The following BTAF1 variants were observed in gnomAD, a reference collection of about 807,000 sequenced individuals.
The protein encoded by BTAF1 is TATA-binding protein-associated factor 172.
BTAF1 carries 38 observed loss-of-function variants against 227.1 expected under a neutral mutation model. The ratio of observed to expected loss-of-function variants is 0.17; its 90% CI spans 0.13 to 0.22. The LOEUF is 0.22. Ranked by LOEUF, BTAF1 falls within the 10% of genes least tolerant of loss-of-function variation. BTAF1 has a pLI of 1.00. For missense variants in BTAF1, 1,598 were observed against 2,204.0 expected, an observed-to-expected ratio of 0.73 and a Z score of 5.51; for synonymous variants, 742 against 751.9, an observed-to-expected ratio of 0.99 and a Z score of 0.21.
At position 92,003,743 on chromosome 10, in the gene BTAF1, T is replaced by C. The variant is rs140543514; in HGVS notation, c.3661-4380T>C. 7.2e-3 allele frequency among the ~76,000 whole-genome samples: 1,095 copies of C among 152,342 alleles called. 14 individuals are homozygous for C. The highest frequency in any genetic ancestry group is 0.025 in the African/African-American group (1,023 of 41,568). On this transcript the variant is annotated intron_variant, in intron 25 of 37. Coordinates refer to ENST00000265990, the MANE Select transcript of BTAF1 (RefSeq NM_003972.3). ...CAGATATCTCTTCAATGTACTGATT[T>C]CATTTCCTTTGGATATATAACCAAA...
chr10:91,987,429 A>G (rs1476860755), intron 19 of BTAF1, among the ~76,000 whole-genome samples: 7 of 151,928 alleles, frequency 4.6e-5, no homozygotes, highest in South Asian at 2.1e-4. Context: ...CTTGCAGTGA[A>G]CCAAGATCAC....
chr10:92,020,524 G>A (rs73314314), intron 34 of BTAF1, among the ~76,000 whole-genome samples: 1,781 of 152,268 alleles, frequency 0.012, 33 homozygotes, highest in African/African-American at 0.04. Context: ...ACTAATGAAT[G>A]AAGATTTTAG....
intron 2 of BTAF1, among the ~76,000 whole-genome samples, chr10:91,936,815 A>G (rs1844643338): frequency 6.6e-6 from 1 of 152,128 alleles, no homozygotes; most frequent in African/African-American, 2.4e-5. Flanking sequence ...GAAACAATGA[A>G]CAGGCCTCAT....
intron 11 of BTAF1, among the ~76,000 whole-genome samples, chr10:91,961,255 A>G (rs957055463): frequency 7.2e-5 from 11 of 152,166 alleles, no homozygotes; most frequent in African/African-American, 2.2e-4. Context: ...ATTTCCCGTA[A>G]TACTTTCCAG....
rs778466491 is a variant in BTAF1 at position 92,024,733 on chromosome 10, T to TTTTTTTG, written c.4864-17_4864-16insGTTTTTT. On this transcript the variant is annotated intron_variant, in intron 34 of 37. Coordinates refer to ENST00000265990, the MANE Select transcript of BTAF1 (RefSeq NM_003972.3). ...CTGCTTTTATTGAACGCTTATGTAG[T>TTTTTTTG]TTTTTTTTTTTTTCTTCCTAAGTTG... The TTTTTTTG allele has an allele frequency of 7.0e-3, 7,852 of 1,122,084 alleles. 72 individuals carry two copies. Among genetic ancestry groups the TTTTTTTG allele is most frequent in the Admixed American group, 8.8e-3 (285 of 32,490 alleles). The allele number at this position is 1,122,084 out of a possible 1,614,324, so 69.5% of individuals were successfully genotyped here.
intron 33 of BTAF1, among the ~76,000 whole-genome samples, chr10:92,018,454 C>T (rs1367875534): frequency 6.6e-6 from 1 of 152,192 alleles, no homozygotes; most frequent in African/African-American, 2.4e-5. Flanking sequence ...AAGCATCTGT[C>T]TGCATTACCA....
At chr10:92,021,727 G>A (rs1487286870) in intron 34 of BTAF1, among the ~76,000 whole-genome samples, 3 of 151,922 alleles carry the variant, frequency 2.0e-5, no homozygotes, top group Middle Eastern at 6.8e-3. Flanking sequence ...TGTATTTTTA[G>A]TAGAGACAGG....
At position 91,993,856 on chromosome 10, in the gene BTAF1, A is replaced by G. The variant is rs1485429847; in HGVS notation, c.3199+9A>G. Reference sequence around the variant, plus strand: ...CGACATAAATAATTTTGGTATACACATATTTTTATGAGTCCAGTTTTTAAC... The same window carrying G: ...CGACATAAATAATTTTGGTATACACGTATTTTTATGAGTCCAGTTTTTAAC... On this transcript the variant is annotated intron_variant, in intron 22 of 37. Coordinates refer to ENST00000265990, the MANE Select transcript of BTAF1 (RefSeq NM_003972.3). 1.3e-6 allele frequency: 2 copies of G among 1,563,016 alleles called. No individual in the cohort carries two copies. The highest frequency in any genetic ancestry group is 1.4e-5 in the African/African-American group (1 of 73,588).
At chr10:91,957,120 C>A in intron 7 of BTAF1, 105 bp from the exon 8 acceptor site, 1 of 759,876 alleles carries the variant, frequency 1.3e-6, no homozygotes. Context: ...TTTTAAAAGC[C>A]TGATTGCTAC....
intron 36 of BTAF1, 143 bp downstream of exon 36, chr10:92,026,894 T>C (rs531434899): frequency 3.4e-5 from 34 of 994,198 alleles, no homozygotes; most frequent in Admixed American, 5.8e-5. Flanking sequence ...AACTCTTCTG[T>C]GGTATCACTT....
chr10:92,012,898 T>C (rs1358847499), intron 30 of BTAF1, among the ~76,000 whole-genome samples: 1 of 152,144 alleles, frequency 6.6e-6, no homozygotes, highest in Non-Finnish European at 1.5e-5. Context: ...ATTTAAAGTA[T>C]GTTATTGCTT....
intron 14 of BTAF1, among the ~76,000 whole-genome samples, chr10:91,973,630 C>T (rs1168036921): frequency 6.6e-6 from 1 of 152,092 alleles, no homozygotes; most frequent in African/African-American, 2.4e-5. Context: ...CCCGGCCGGG[C>T]GCGGTGGCTC....
In BTAF1 at chr10:91,982,189, A is replaced by T; in HGVS notation, c.2012A>T (p.Asp671Val). 1 of 1,613,898 alleles carries T rather than the reference A, an allele frequency of 6.2e-7. No homozygotes were observed. Among genetic ancestry groups the T allele is most frequent in the Non-Finnish European group, 8.5e-7 (1 of 1,179,880 alleles). Residue 671 changes from aspartate to valine, a missense_variant, in exon 17 of 38, where the codon GAT (aspartate) becomes GTT (valine). Coordinates refer to ENST00000265990, the MANE Select transcript of BTAF1 (RefSeq NM_003972.3). The stretch of plus-strand genomic sequence containing the variant: ...ATCATGGAAGACCCAGCCACCAGGG[A>T]TTTTGTAGTTATGCGGGCCAGAATG... ...DTIMEDPATRDFVVMRARMMA... is the reference protein window; with the variant it reads ...DTIMEDPATRVFVVMRARMMA...
At chr10:92,020,512 C>G (rs1851052171) in intron 34 of BTAF1, among the ~76,000 whole-genome samples, 2 of 152,132 alleles carry the variant, frequency 1.3e-5, no homozygotes, top group Admixed American at 6.6e-5. Context: ...TCATTGAGAA[C>G]AACTAATGAA....
chr10:91,960,689 G>A (rs749253313), intron 11 of BTAF1, among the ~76,000 whole-genome samples: 1 of 151,486 alleles, frequency 6.6e-6, no homozygotes, highest in East Asian at 1.9e-4. Flanking sequence ...AAAATTAGAT[G>A]CCTTGCTGAT....
chr10:91,943,554 CTT>C (rs939318510), intron 4 of BTAF1, among the ~76,000 whole-genome samples: 1 of 152,098 alleles, frequency 6.6e-6, no homozygotes, highest in Non-Finnish European at 1.5e-5. Context: ...AATATATTCA[CTT>C]TTTTATCATA....
chr10:91,996,695 T>C, intron 24 of BTAF1, 125 bp downstream of exon 24: 3 of 793,500 alleles, frequency 3.8e-6, no homozygotes, highest in Non-Finnish European at 5.7e-6. Context: ...AAATACCTAT[T>C]CTTTTTACAT....
In BTAF1 at chr10:92,017,198, G is replaced by A. The variant is rs147796537; in HGVS notation, c.4710+733G>A. ...AGTGTATCAGAGTCCAGGGTAGGTT[G>A]TGGTTTCTTAATCGAGGGGCTAGGG... On this transcript the variant is annotated intron_variant, in intron 33 of 37. Transcript: ENST00000265990. Among the ~76,000 whole-genome samples, 60 of 152,316 alleles carry A rather than the reference G, an allele frequency of 3.9e-4. No homozygotes were observed. The East Asian group carries it at 9.1e-3, about 23-fold the overall frequency.
At chr10:91,935,838 A>G in intron 2 of BTAF1, 58 bp downstream of exon 2, 4 of 1,369,048 alleles carry the variant, frequency 2.9e-6, no homozygotes, top group Non-Finnish European at 3.9e-6. Context: ...ATTCATGGAT[A>G]GGAACACAAA....
Sources: allele counts gnomAD v4.1 joint callset (sites outside exome capture counted in the v4.1 genomes callset), GRCh38; gene constraint gnomAD v4.1.1; transcripts MANE v1.5; gene names NCBI Gene and HGNC (gene_info 2026-07-23, HGNC 2026-07-21).